TP63: variants seen among roughly 807,000 people sequenced by gnomAD.
The protein encoded by TP63 is tumor protein 63.
TP63 carries 17 observed loss-of-function variants against 82.8 expected under a neutral mutation model. That is an observed-to-expected ratio of 0.21 (90% CI 0.14 to 0.31). The LOEUF is 0.31. Ranked by LOEUF, TP63 falls within the 10% of genes least tolerant of loss-of-function variation. The pLI is 1.00. For synonymous variants in TP63, 330 were observed against 321.7 expected, an observed-to-expected ratio of 1.03 and a Z score of -0.28; for missense variants, 648 against 895.3, an observed-to-expected ratio of 0.72 and a Z score of 3.52.
At chr3:189,777,792 T>G (rs1189291815) in intron 3 of TP63, among the ~76,000 whole-genome samples, 1 of 148,926 alleles carries the variant, frequency 6.7e-6, no homozygotes, top group East Asian at 1.9e-4. Context: ...TCTCCTATAC[T>G]AGATGAGGAA....
intron 7 of TP63, 137 bp from the exon 8 acceptor site, chr3:189,868,443 C>A: frequency 7.9e-7 from 1 of 1,271,058 alleles, no homozygotes; most frequent in East Asian, 2.5e-5. Context: ...GCTTTTGGGT[C>A]CATTCTCAAA....
At chr3:189,658,288 T>G (rs1713567381) in intron 1 of TP63, among the ~76,000 whole-genome samples, 1 of 151,972 alleles carries the variant, frequency 6.6e-6, no homozygotes, top group African/African-American at 2.4e-5. Flanking sequence ...GATAAGCAAA[T>G]TAATATAGGA....
intron 1 of TP63, among the ~76,000 whole-genome samples, chr3:189,715,996 C>T (rs1235511495): frequency 1.3e-5 from 2 of 152,124 alleles, no homozygotes; most frequent in African/African-American, 4.8e-5. Context: ...GTACTCACTA[C>T]GTACTATACT....
chr3:189,632,133 AAGAG>A (rs138975191), intron 1 of TP63, among the ~76,000 whole-genome samples: 7,447 of 152,254 alleles, frequency 0.049, 187 homozygotes, highest in Middle Eastern at 0.058. Context: ...GCCTAGTACT[AAGAG>A]AGAATATTAG....
intron 2 of TP63, among the ~76,000 whole-genome samples, chr3:189,738,214 T>G (rs1193309622): frequency 3.3e-5 from 5 of 152,218 alleles, no homozygotes; most frequent in Non-Finnish European, 7.3e-5. Context: ...GATAAAACAC[T>G]AAATTTTGTT....
At chr3:189,639,746 TA>T (rs758434331) in intron 1 of TP63, among the ~76,000 whole-genome samples, 1 of 152,146 alleles carries the variant, frequency 6.6e-6, no homozygotes, top group Non-Finnish European at 1.5e-5. Flanking sequence ...CTAGCGTGAT[TA>T]TTTAGTCAGC....
intron 4 of TP63, among the ~76,000 whole-genome samples, chr3:189,816,490 AG>A (rs1241279583): frequency 2.0e-5 from 3 of 152,174 alleles, no homozygotes; most frequent in Non-Finnish European, 2.9e-5. Context: ...TCTCATGAAA[AG>A]TCCTCAGCAG....
chr3:189,721,773 A>G (rs1719413760), intron 1 of TP63, among the ~76,000 whole-genome samples: 1 of 152,202 alleles, frequency 6.6e-6, no homozygotes, highest in Non-Finnish European at 1.5e-5. Flanking sequence ...CTAGACAGCA[A>G]TGGTTCTGAA....
At chr3:189,887,502 A>T (rs886133962) in intron 11 of TP63, among the ~76,000 whole-genome samples, 2 of 152,164 alleles carry the variant, frequency 1.3e-5, no homozygotes, top group Non-Finnish European at 2.9e-5. Context: ...CACTGTAAGA[A>T]TTGGGCCTCC....
chr3:189,626,360 C>T, the TP63 span, among the ~76,000 whole-genome samples: 17,666 of 152,114 alleles, frequency 0.12, 1,398 homozygotes, highest in East Asian at 0.4. Context: ...GGTGAATTTA[C>T]TCCACCACCT....
intron 3 of TP63, among the ~76,000 whole-genome samples, chr3:189,781,141 G>A (rs1724198856): frequency 6.6e-6 from 1 of 152,128 alleles, no homozygotes; most frequent in African/African-American, 2.4e-5. Flanking sequence ...CTATGTCAAG[G>A]CCTTGTAGCA....
intron 1 of TP63, among the ~76,000 whole-genome samples, chr3:189,692,943 G>A (rs1181243748): frequency 6.6e-6 from 1 of 152,176 alleles, no homozygotes; most frequent in Non-Finnish European, 1.5e-5. Context: ...ACCCGTACAA[G>A]AGAGTCATGT....
the TP63 span, among the ~76,000 whole-genome samples, chr3:189,618,379 C>T: frequency 6.6e-6 from 1 of 152,192 alleles, no homozygotes; most frequent in African/African-American, 2.4e-5. Flanking sequence ...CTTTCCTTTT[C>T]TTAGCTGTTA....
At chr3:189,691,747 T>A (rs1716950649) in intron 1 of TP63, among the ~76,000 whole-genome samples, 1 of 152,226 alleles carries the variant, frequency 6.6e-6, no homozygotes, top group Non-Finnish European at 1.5e-5. Context: ...TCTACAGCAC[T>A]AGATGTTTCC....
At chr3:189,701,963 TTAAA>T (rs1444476439) in intron 1 of TP63, among the ~76,000 whole-genome samples, 1 of 152,198 alleles carries the variant, frequency 6.6e-6, no homozygotes, top group Non-Finnish European at 1.5e-5. Context: ...CCTTAATAAA[TTAAA>T]TAAATGTGTA....
intron 4 of TP63, among the ~76,000 whole-genome samples, chr3:189,860,008 A>T (rs1716821762): frequency 6.6e-6 from 1 of 152,212 alleles, no homozygotes; most frequent in Admixed American, 6.5e-5. Context: ...AGATAATTGG[A>T]ACAGGAATGG....
chr3:189,620,050 G>A, the TP63 span, among the ~76,000 whole-genome samples: 49,919 of 152,104 alleles, frequency 0.33, 8,664 homozygotes, highest in Non-Finnish European at 0.38. Context: ...GAAAAAAAGA[G>A]CGGAAGAAGG....
intron 1 of TP63, among the ~76,000 whole-genome samples, chr3:189,657,700 T>TG (rs1337744393): frequency 6.6e-6 from 1 of 152,126 alleles, no homozygotes; most frequent in Non-Finnish European, 1.5e-5. Flanking sequence ...GTGATTCATG[T>TG]GGTAATGGAT....
chr3:189,885,831 T>C (rs1027439176), intron 10 of TP63, among the ~76,000 whole-genome samples: 2 of 152,208 alleles, frequency 1.3e-5, no homozygotes, highest in South Asian at 4.1e-4. Context: ...CATGAACATC[T>C]CTATTGAAAA....
Sources: allele counts gnomAD v4.1 joint callset (sites outside exome capture counted in the v4.1 genomes callset), GRCh38; gene constraint gnomAD v4.1.1; transcripts MANE v1.5; gene names NCBI Gene and HGNC (gene_info 2026-07-23, HGNC 2026-07-21).